The following ORM1 variants were observed in gnomAD, a reference collection of about 807,000 sequenced individuals.
ORM1 encodes orosomucoid 1, also known as alpha-1-acid glycoprotein 1.
Under a neutral mutation model 26.9 loss-of-function variants are expected in ORM1, and 13 were observed. The observed-to-expected ratio is 0.48, with a 90% CI of 0.31 to 0.77. The LOEUF (loss-of-function observed/expected upper bound fraction) is 0.77, where lower values mean the gene tolerates loss of function less well. Ranked by LOEUF, ORM1 falls within the 30% of genes least tolerant of loss-of-function variation. The pLI, the probability that ORM1 is intolerant of heterozygous loss-of-function variation, is 0.04. For missense variants in ORM1, 189 were observed against 246.8 expected (o/e 0.77, Z 1.57); for synonymous variants, 76 against 102.2 (o/e 0.74, Z 1.55).
chr9:114,323,720 T>G lies in ORM1; in HGVS notation c.172T>G (p.Ser58Ala). The G allele has an allele frequency of 6.2e-7, 1 of 1,613,996 alleles. No individual in the cohort carries two copies. The highest frequency in any genetic ancestry group is 8.5e-7 in the Non-Finnish European group (1 of 1,179,884). Reference sequence around the variant, plus strand: ...CTTTCGAAACGAGGAGTACAATAAGTCGGTTCAGGAGATCCAAGCAACCTT... The same window carrying G: ...CTTTCGAAACGAGGAGTACAATAAGGCGGTTCAGGAGATCCAAGCAACCTT... Reference protein sequence around the residue: ...SAFRNEEYNKSVQEIQATFFY... With the variant: ...SAFRNEEYNKAVQEIQATFFY... Residue 58 changes from serine to alanine, a missense_variant, in exon 2 of 6, where the codon TCG (serine) becomes GCG (alanine). Physicochemically the swap from Ser to Ala is moderately conservative, Grantham distance 99. Transcript: ENST00000259396.
chr9:114,324,693 C>T, intron 3 of ORM1, 97 bp from the exon 4 acceptor site: 1 of 988,518 alleles, frequency 1.0e-6, no homozygotes. Flanking sequence ...CACTGATGGG[C>T]TGTGTGGCCA....
In ORM1 at chr9:114,324,210, G is replaced by T; in HGVS notation, c.328+122G>T. The stretch of plus-strand genomic sequence containing the variant: ...CAGAGAAATAACCACTAACATTTTT[G>T]AGCTCTAACGATGTGCTCAGAAACA... On this transcript the variant is annotated intron_variant, in intron 3 of 5. Coordinates refer to ENST00000259396, the MANE Select transcript of ORM1 (RefSeq NM_000607.4). The T allele has an allele frequency of 1.4e-5, 13 of 928,810 alleles. No homozygotes were observed. In the South Asian group the frequency reaches 1.8e-4, roughly 13 times the overall value. 57.5% of individuals were successfully genotyped at this position (928,810 alleles called of 1,614,324 possible).
At position 114,323,700 on chromosome 9, in the gene ORM1, G is replaced by C. The variant is rs146832261; in HGVS notation, c.152G>C (p.Arg51Pro). The C allele has an allele frequency of 6.2e-7, 1 of 1,613,976 alleles. No homozygotes were observed. The highest frequency in any genetic ancestry group is 1.1e-5 in the South Asian group (1 of 91,072). ...GKWFYIASAF[R>P]NEEYNKSVQE... Reference sequence around the variant, plus strand: ...TGGTTTTATATCGCATCGGCCTTTCGAAACGAGGAGTACAATAAGTCGGTT... The same window carrying C: ...TGGTTTTATATCGCATCGGCCTTTCCAAACGAGGAGTACAATAAGTCGGTT... The change falls in exon 2 of 6, where the codon CGA becomes CCA. Residue 51 changes from arginine (R) to proline (P), a missense_variant. Physicochemically the swap from Arg to Pro is moderately radical, Grantham distance 103. Coordinates refer to ENST00000259396, the MANE Select transcript of ORM1 (RefSeq NM_000607.4).
rs370750676 is a variant in ORM1 at position 114,324,790 on chromosome 9, T to C, written c.329T>C (p.Val110Ala). The C allele has an allele frequency of 6.2e-7, 1 of 1,612,746 alleles. No individual in the cohort carries two copies. Among genetic ancestry groups the C allele is most frequent in the African/African-American group, 1.3e-5 (1 of 75,034 alleles). ...QRENGTISRY[V>A]GGQEHFAHLL... ...CCCAGAGGCTCCTTTTCTCTTCCAG[T>C]GGGAGGCCAAGAGCATTTCGCTCAC... is the stretch of plus-strand genomic sequence containing the variant. Residue 110 changes from valine to alanine, a missense_variant and splice_region_variant, in exon 4 of 6, where the codon GTG (valine) becomes GCG (alanine). Physicochemically the swap from Val to Ala is moderately conservative, Grantham distance 64. This residue lies in a region of ORM1 where 163 missense variants were observed against 157.7 expected (regional missense o/e 1.03). Transcript: ENST00000259396.
At position 114,324,845 on chromosome 9, in the gene ORM1, C is replaced by G. The variant is rs1126712; in HGVS notation, c.384C>G (p.Tyr128Ter). 1.9e-6 allele frequency: 3 copies of G among 1,614,212 alleles called. No individual in the cohort carries two copies. The highest frequency in any genetic ancestry group is 1.7e-6 in the Non-Finnish European group (2 of 1,180,028). Residue 128 changes from tyrosine to a stop codon, truncating the protein, a stop_gained, in exon 4 of 6, where the codon TAC becomes TAG. Coordinates refer to ENST00000259396, the MANE Select transcript of ORM1 (RefSeq NM_000607.4). LOFTEE classifies it high-confidence loss of function. ...TGATCCTCAGGGACACCAAGACCTA[C>G]ATGCTTGCTTTTGACGTGAACGATG... ...HLLILRDTKT[Y>*]MLAFDVNDEK...
chr9:114,325,488 C>G (rs1389899555), intron 5 of ORM1, among the ~76,000 whole-genome samples: 1 of 151,664 alleles, frequency 6.6e-6, no homozygotes, highest in East Asian at 1.9e-4. Context: ...CAGGCTTTCA[C>G]CCCACCTCCA....
intron 5 of ORM1, among the ~76,000 whole-genome samples, chr9:114,325,850 G>C (rs1326299998): frequency 6.6e-6 from 1 of 152,144 alleles, no homozygotes; most frequent in Non-Finnish European, 1.5e-5. Flanking sequence ...TGCAGTCCCA[G>C]GATCCTGGGA....
Position 114,326,467 on chromosome 9 carries a change from T to C in ORM1, c.*110T>C. 1 of 971,506 alleles carries C rather than the reference T, an allele frequency of 1.0e-6. No homozygotes were observed. The highest frequency in any genetic ancestry group is 2.7e-5 in the East Asian group (1 of 37,598). The allele number at this position is 971,506 out of a possible 1,614,324, so 60.2% of individuals were successfully genotyped here. ...ACTTGCATCAATAAAGCTTCTGTGT[T>C]TGGAACAGCTAAGCTGTTAGTCATT... is the stretch of plus-strand genomic sequence containing the variant. On this transcript the variant is annotated 3_prime_UTR_variant, in exon 6 of 6. Coordinates refer to ENST00000259396, the MANE Select transcript of ORM1 (RefSeq NM_000607.4).
rs745579398 is a variant in ORM1 at position 114,324,931 on chromosome 9, C to T, written c.436+34C>T. The T allele has an allele frequency of 4.4e-6, 7 of 1,599,014 alleles. No homozygotes were observed. The South Asian group carries it at 6.6e-5, about 15-fold the overall frequency. ...GCTTAGCAGCCCCAAACTCATGCCC[C>T]TCTCAGGCCTCACCCCCCATTCACC... On this transcript the variant is annotated intron_variant, in intron 4 of 5. Transcript: ENST00000259396.
Position 114,324,785 on chromosome 9 carries a change from T to G in ORM1, c.329-5T>G. 1 of 1,611,780 alleles carries G rather than the reference T, an allele frequency of 6.2e-7. No individual in the cohort carries two copies. The highest frequency in any genetic ancestry group is 8.5e-7 in the Non-Finnish European group (1 of 1,177,930). ...TCTCACCCAGAGGCTCCTTTTCTCT[T>G]CCAGTGGGAGGCCAAGAGCATTTCG... On this transcript the variant is annotated splice_region_variant and splice_polypyrimidine_tract_variant and intron_variant, in intron 3 of 5. Coordinates refer to ENST00000259396, the MANE Select transcript of ORM1 (RefSeq NM_000607.4).
In ORM1 at chr9:114,324,103, T is replaced by C. The variant is rs776330391; in HGVS notation, c.328+15T>C. On this transcript the variant is annotated intron_variant, in intron 3 of 5. Transcript: ENST00000259396. Reference sequence around the variant, plus strand: ...CTCCAGATACGGTGAGGGCCAGCCCTCAGGCAGGAGGGTTCACTGTGGGAA... The same window carrying C: ...CTCCAGATACGGTGAGGGCCAGCCCCCAGGCAGGAGGGTTCACTGTGGGAA... The C allele has an allele frequency of 1.3e-5, 21 of 1,612,818 alleles. No homozygotes were observed. The African/African-American group carries it at 2.8e-4, about 22-fold the overall frequency.
In ORM1 at chr9:114,324,772, G is replaced by A. The variant is rs761414213; in HGVS notation, c.329-18G>A. The A allele has an allele frequency of 2.5e-6, 4 of 1,597,912 alleles. No individual in the cohort carries two copies. In the South Asian group the frequency reaches 4.4e-5, roughly 18 times the overall value. ...TGCCATCCCATGTTCTCACCCAGAG[G>A]CTCCTTTTCTCTTCCAGTGGGAGGC... is the stretch of plus-strand genomic sequence containing the variant. On this transcript the variant is annotated intron_variant, in intron 3 of 5. Coordinates refer to ENST00000259396, the MANE Select transcript of ORM1 (RefSeq NM_000607.4).
chr9:114,323,965 G>C (rs1829726210), intron 2 of ORM1, 53 bp from the exon 3 acceptor site: 1 of 1,605,668 alleles, frequency 6.2e-7, no homozygotes. Flanking sequence ...ATGGGCGATT[G>C]GCCACTTCTC....
chr9:114,325,490 C>T (rs1829755569), intron 5 of ORM1, among the ~76,000 whole-genome samples: 1 of 151,624 alleles, frequency 6.6e-6, no homozygotes, highest in African/African-American at 2.4e-5. Flanking sequence ...GGCTTTCACC[C>T]CACCTCCACT....
intron 3 of ORM1, among the ~76,000 whole-genome samples, chr9:114,324,589 G>T (rs910430359): frequency 6.6e-6 from 1 of 152,156 alleles, no homozygotes; most frequent in African/African-American, 2.4e-5. Context: ...TCTGTGTGAG[G>T]CTCCTGAGAT....
chr9:114,324,547 T>C (rs546811422), intron 3 of ORM1, among the ~76,000 whole-genome samples: 3 of 152,272 alleles, frequency 2.0e-5, no homozygotes, highest in African/African-American at 7.2e-5. Flanking sequence ...TTTCCTCATC[T>C]GTAAAACGGA....
At chr9:114,323,313 T>A in intron 1 of ORM1, 66 bp downstream of exon 1, 1 of 1,613,636 alleles carries the variant, frequency 6.2e-7, no homozygotes, top group Non-Finnish European at 8.5e-7. Flanking sequence ...GGGCTTCCCT[T>A]TCCCTGCTGG....
chr9:114,326,162 T>C (rs1468619569), intron 5 of ORM1, 130 bp from the exon 6 acceptor site: 1 of 1,043,450 alleles, frequency 9.6e-7, no homozygotes, highest in Non-Finnish European at 1.4e-6. Context: ...GAAGTGACAG[T>C]GCCAGGGTTG....
rs1126712 is a variant in ORM1 at position 114,324,845 on chromosome 9, C to T, written c.384C>T (p.Tyr128=). 6.2e-7 allele frequency: 1 copy of T among 1,614,220 alleles called. No individual in the cohort carries two copies. Among genetic ancestry groups the T allele is most frequent in the East Asian group, 2.2e-5 (1 of 44,882 alleles). The change falls in exon 4 of 6, where the codon TAC becomes TAT. Residue 128 remains tyrosine, a synonymous_variant. Transcript: ENST00000259396. ...TGATCCTCAGGGACACCAAGACCTA[C>T]ATGCTTGCTTTTGACGTGAACGATG... ...HLLILRDTKT[Y]MLAFDVNDEK...
Sources: gnomAD v4.1 joint callset for allele counts (sites outside exome capture counted in the v4.1 genomes callset) on GRCh38, gnomAD v4.1.1 for gene constraint, gnomAD v4.1.1 regional missense constraint, MANE v1.5 for transcripts, NCBI Gene and HGNC (gene_info 2026-07-23, HGNC 2026-07-21) for gene names.